The following MAP1B variants were observed in gnomAD, a reference collection of about 807,000 sequenced individuals.
MAP1B encodes microtubule associated protein 1B, also known as microtubule-associated protein 1B.
Under a neutral mutation model 176.1 loss-of-function variants are expected in MAP1B, and 12 were observed. That is an observed-to-expected ratio of 0.07 (90% CI 0.04 to 0.11). The LOEUF is 0.11. Among genes scored for constraint, MAP1B ranks in the 10% least tolerant of loss-of-function variants. MAP1B has a pLI of 1.00. For missense variants in MAP1B, 2,523 were observed against 2,990.5 expected, an observed-to-expected ratio of 0.84 and a Z score of 3.65; for synonymous variants, 1,044 against 1,135.0, an observed-to-expected ratio of 0.92 and a Z score of 1.61.
In MAP1B at chr5:72,195,233, A is replaced by G. The variant is rs749320423; in HGVS notation, c.1878A>G (p.Thr626=). 1 of 1,613,964 alleles carries G rather than the reference A, an allele frequency of 6.2e-7. No homozygotes were observed. Among genetic ancestry groups the G allele is most frequent in the South Asian group, 1.1e-5 (1 of 91,080 alleles). ...VKAEVAEKQA[T]DVKPKAAKEK... is the part of the protein sequence containing the mutation. ...CCGAGGTGGCTGAGAAGCAAGCCAC[A>G]GATGTCAAACCCAAAGCTGCCAAGG... The change falls in exon 5 of 7, where the codon ACA becomes ACG. Residue 626 remains threonine, a synonymous_variant. Coordinates refer to ENST00000296755, the MANE Select transcript of MAP1B (RefSeq NM_005909.5).
intron 2 of MAP1B, among the ~76,000 whole-genome samples, chr5:72,174,748 C>T (rs538240301): frequency 5.3e-5 from 8 of 152,296 alleles, no homozygotes; most frequent in Middle Eastern, 3.4e-3. Flanking sequence ...TTGTCTCAGC[C>T]TGGAGGAAAC....
chr5:72,152,050 A>AT (rs1746149966), intron 2 of MAP1B, among the ~76,000 whole-genome samples: 1 of 152,102 alleles, frequency 6.6e-6, no homozygotes, highest in Non-Finnish European at 1.5e-5. Flanking sequence ...TACATGGCAG[A>AT]TTTTTTCCTG....
At chr5:72,161,198 G>A (rs1406486358) in intron 2 of MAP1B, among the ~76,000 whole-genome samples, 1 of 152,176 alleles carries the variant, frequency 6.6e-6, no homozygotes, top group African/African-American at 2.4e-5. Context: ...CCAGATGCAT[G>A]TGGGTTTGAG....
intron 2 of MAP1B, among the ~76,000 whole-genome samples, chr5:72,172,021 C>A (rs1561305560): frequency 6.6e-6 from 1 of 152,218 alleles, no homozygotes; most frequent in African/African-American, 2.4e-5. Context: ...ATCACAGGTC[C>A]CTTGGGTTGG....
intron 2 of MAP1B, among the ~76,000 whole-genome samples, chr5:72,129,548 C>T (rs951351854): frequency 6.6e-6 from 1 of 151,478 alleles, no homozygotes; most frequent in African/African-American, 2.4e-5. Flanking sequence ...CAGAGTGAGA[C>T]TCCGTCCTAA....
In MAP1B at chr5:72,196,949, G is replaced by A; in HGVS notation, c.3594G>A (p.Lys1198=). The change falls in exon 5 of 7, where the codon AAG becomes AAA. Residue 1198 remains lysine, a synonymous_variant. Coordinates refer to ENST00000296755, the MANE Select transcript of MAP1B (RefSeq NM_005909.5). This position sits in a 1 kb window ranked among gnomAD's most constrained non-coding sequence, Gnocchi z 5.3. The part of the protein sequence containing the change: ...EGSKTDATDG[K]DYNASASTIS... ...CAAAAACAGATGCCACTGATGGCAA[G>A]GATTACAATGCTTCAGCCTCTACCA... 2 of 1,614,190 alleles carry A rather than the reference G, an allele frequency of 1.2e-6. No homozygotes were observed. The highest frequency in any genetic ancestry group is 1.7e-6 in the Non-Finnish European group (2 of 1,180,028).
chr5:72,121,931 G>A (rs1387997661), intron 2 of MAP1B, among the ~76,000 whole-genome samples: 2 of 152,194 alleles, frequency 1.3e-5, no homozygotes, highest in African/African-American at 4.8e-5. Context: ...ATTTCAGAGG[G>A]ACAGCCGATT....
In MAP1B at chr5:72,205,277, T is replaced by C; in HGVS notation, c.*38T>C. 1 of 1,570,120 alleles carries C rather than the reference T, an allele frequency of 6.4e-7. No homozygotes were observed. Among genetic ancestry groups the C allele is most frequent in the Non-Finnish European group, 8.6e-7 (1 of 1,161,400 alleles). ...GCCACACCACAGGATCTGAACTTTG[T>C]TTCCAGAAATTCTTCAATTTGAAAT... On this transcript the variant is annotated 3_prime_UTR_variant, in exon 7 of 7. Coordinates refer to ENST00000296755, the MANE Select transcript of MAP1B (RefSeq NM_005909.5).
intron 2 of MAP1B, among the ~76,000 whole-genome samples, chr5:72,176,876 A>C (rs1271480583): frequency 6.6e-6 from 1 of 152,244 alleles, no homozygotes; most frequent in Non-Finnish European, 1.5e-5. Flanking sequence ...GAGCGGATGA[A>C]TGCGAAAAGA....
intron 1 of MAP1B, among the ~76,000 whole-genome samples, chr5:72,115,104 C>T (rs1320165137): frequency 1.3e-5 from 2 of 152,168 alleles, no homozygotes. Flanking sequence ...AGTGGATCCA[C>T]TCTGTTTATC....
At position 72,198,392 on chromosome 5, in the gene MAP1B, C is replaced by A; in HGVS notation, c.5037C>A (p.Ile1679=). The change falls in exon 5 of 7, where the codon ATC becomes ATA. Residue 1679 remains isoleucine, a synonymous_variant. Coordinates refer to ENST00000296755, the MANE Select transcript of MAP1B (RefSeq NM_005909.5). The part of the protein sequence containing the change: ...HPTVGAGVLH[I]TENGPTEVDY... ...CAGTGGGTGCAGGCGTGCTTCACAT[C>A]ACTGAAAATGGGCCAACTGAAGTGG... 6.2e-7 allele frequency: 1 copy of A among 1,614,144 alleles called. No individual in the cohort carries two copies. Among genetic ancestry groups the A allele is most frequent in the East Asian group, 2.2e-5 (1 of 44,872 alleles).
chr5:72,141,570 G>A (rs1745946975), intron 2 of MAP1B, among the ~76,000 whole-genome samples: 1 of 152,188 alleles, frequency 6.6e-6, no homozygotes, highest in African/African-American at 2.4e-5. Context: ...GCTCAGAAAG[G>A]CCAGGCCTTG....
chr5:72,126,165 G>A (rs1217365060), intron 2 of MAP1B, among the ~76,000 whole-genome samples: 1 of 152,202 alleles, frequency 6.6e-6, no homozygotes, highest in Non-Finnish European at 1.5e-5. Context: ...CTGCTTTCCA[G>A]GACCCTTCCC....
intron 2 of MAP1B, among the ~76,000 whole-genome samples, chr5:72,122,954 T>TA (rs2112130592): frequency 6.6e-6 from 1 of 152,266 alleles, no homozygotes; most frequent in Non-Finnish European, 1.5e-5. Context: ...AGTTTTTTTT[T>TA]AAAGGTTTTT....
At position 72,196,119 on chromosome 5, in the gene MAP1B, G is replaced by C. The variant is rs773432814; in HGVS notation, c.2764G>C (p.Asp922His). 6.2e-7 allele frequency: 1 copy of C among 1,613,808 alleles called. No homozygotes were observed. The highest frequency in any genetic ancestry group is 8.5e-7 in the Non-Finnish European group (1 of 1,179,962). The part of the protein sequence containing the change: ...LEPVEKQGVD[D>H]IEKFEDEGAG... The stretch of plus-strand genomic sequence containing the variant: ...GCCCGTCGAGAAGCAGGGAGTAGAC[G>C]ACATTGAAAAATTTGAAGATGAAGG... Residue 922 changes from aspartate (D) to histidine (H), a missense_variant, in exon 5 of 7, where the codon GAC becomes CAC. Asp to His is a moderately conservative substitution (Grantham distance 81). Coordinates refer to ENST00000296755, the MANE Select transcript of MAP1B (RefSeq NM_005909.5). This position sits in a 1 kb window ranked among gnomAD's most constrained non-coding sequence, Gnocchi z 5.3.
rs768310180 is a variant in MAP1B, at chr5:72,198,565, C to G, written c.5210C>G (p.Thr1737Ser). 1 of 1,614,056 alleles carries G rather than the reference C, an allele frequency of 6.2e-7. No individual in the cohort carries two copies. Among genetic ancestry groups the G allele is most frequent in the East Asian group, 2.2e-5 (1 of 44,868 alleles). ...EASPSTSSAH[T>S]PSQIASPLQE... Reference sequence around the variant, plus strand: ...TCCCCGTCCACCTCTTCTGCTCATACCCCTTCTCAGATCGCTTCTCCTCTC... The same window carrying G: ...TCCCCGTCCACCTCTTCTGCTCATAGCCCTTCTCAGATCGCTTCTCCTCTC... The change falls in exon 5 of 7, where the codon ACC becomes AGC. Residue 1737 changes from threonine (T) to serine (S), a missense_variant. Physicochemically the swap from Thr to Ser is moderately conservative, Grantham distance 58. This residue lies in a region of MAP1B where 1,925 missense variants were observed against 2,126.0 expected (regional missense o/e 0.91). Transcript: ENST00000296755.
rs1347100865 is a variant in MAP1B, at chr5:72,206,986, GA to G, written c.*1749del. ...ATGAGGTAAAAGAGCCAAGTTCAAA[GA>G]ACCCTAGCACAAATTTGCTTTGGGA... On this transcript the variant is annotated 3_prime_UTR_variant, in exon 7 of 7. Coordinates refer to ENST00000296755, the MANE Select transcript of MAP1B (RefSeq NM_005909.5). The G allele has an allele frequency of 6.6e-6, 1 of 151,484 alleles. No individual in the cohort carries two copies. The highest frequency in any genetic ancestry group is 1.5e-5 in the Non-Finnish European group (1 of 67,870). The allele number at this position is 151,484 out of a possible 1,614,324, so 9.4% of individuals were successfully genotyped here.
In MAP1B at chr5:72,209,038, C is replaced by T. The variant is rs1375448467; in HGVS notation, c.*3799C>T. 1 of 152,004 alleles carries T rather than the reference C, an allele frequency of 6.6e-6. No individual in the cohort carries two copies. The highest frequency in any genetic ancestry group is 1.5e-5 in the Non-Finnish European group (1 of 68,004). 9.4% of individuals were successfully genotyped at this position (152,004 alleles called of 1,614,324 possible). A position where few individuals can be genotyped will look rare whatever the true frequency, so the allele number is the denominator to read the frequency against. ...TCTTTGAAAGCAATTAGGTTATTCA[C>T]CTGGTATTAAAACTATTTACTGTTA... On this transcript the variant is annotated 3_prime_UTR_variant, in exon 7 of 7. Coordinates refer to ENST00000296755, the MANE Select transcript of MAP1B (RefSeq NM_005909.5).
chr5:72,113,495 G>A lies in MAP1B; in HGVS notation c.185-2203G>A, dbSNP rs1745379745. ...AATAAAATATGTATGAAAATATAAA[G>A]CAAACATTTAATTGTGTGTGCCATG... is the stretch of plus-strand genomic sequence containing the variant. On this transcript the variant is annotated intron_variant, in intron 1 of 6. Coordinates refer to ENST00000296755, the MANE Select transcript of MAP1B (RefSeq NM_005909.5). Among the ~76,000 whole-genome samples the A allele has an allele frequency of 2.6e-5, 4 of 152,118 alleles. 1 individual carries two copies. The South Asian group carries it at 8.3e-4, about 31-fold the overall frequency.
Sources: allele counts gnomAD v4.1 joint callset (sites outside exome capture counted in the v4.1 genomes callset), GRCh38; gene constraint gnomAD v4.1.1; regional missense constraint gnomAD v4.1.1; non-coding constraint Gnocchi (gnomAD v3.1); transcripts MANE v1.5; gene names NCBI Gene and HGNC (gene_info 2026-07-23, HGNC 2026-07-21).